The following NCOR2 variants were observed in gnomAD, a reference collection of about 807,000 sequenced individuals.
NCOR2 encodes CTG repeat protein 26.
Under a neutral mutation model 262.9 loss-of-function variants are expected in NCOR2, and 81 were observed. That is an observed-to-expected ratio of 0.31 (90% confidence interval 0.26 to 0.37). NCOR2 has a LOEUF of 0.37. Ranked by LOEUF, NCOR2 falls within the 10% of genes least tolerant of loss-of-function variation. The probability of loss-of-function intolerance (pLI) is 1.00; values close to 1 mark genes in which losing one functional copy is unlikely to be tolerated. For missense variants in NCOR2, 3,385 were observed against 3,621.4 expected (o/e 0.93, Z 1.68); for synonymous variants, 1,659 against 1,559.3 (o/e 1.06, Z -1.51).
At chr12:124,354,453 G>C in intron 26 of NCOR2, 25 bp downstream of exon 28, 1 of 1,478,992 alleles carries the variant, frequency 6.8e-7, no homozygotes, top group Non-Finnish European at 8.9e-7. Context: ...CAGATGCTGG[G>C]GGCCCAGGGC....
upstream of NCOR2, among the ~76,000 whole-genome samples, chr12:124,496,514 C>A (rs1407011813): frequency 6.6e-6 from 1 of 152,092 alleles, no homozygotes; most frequent in East Asian, 1.9e-4. The surrounding 1 kb of genome is among the most constrained non-coding windows in gnomAD (Gnocchi z 4.4). Flanking sequence ...CTGCACCACA[C>A]GAGGTCAGGG....
chr12:124,431,223 CAGA>C (rs2043901449), intron 8 of NCOR2, among the ~76,000 whole-genome samples: 1 of 151,404 alleles, frequency 6.6e-6, no homozygotes, highest in Non-Finnish European at 1.5e-5. Context: ...TACAGTCAGA[CAGA>C]TATACACAGG....
At chr12:124,448,777 C>A (rs894844398) in intron 7 of NCOR2, among the ~76,000 whole-genome samples, 1 of 152,168 alleles carries the variant, frequency 6.6e-6, no homozygotes, top group Non-Finnish European at 1.5e-5. Flanking sequence ...TGCACGCTTT[C>A]AGGAACGGGG....
intron 1 of NCOR2, among the ~76,000 whole-genome samples, chr12:124,486,923 T>G (rs2047794828): frequency 6.6e-6 from 1 of 152,164 alleles, no homozygotes; most frequent in South Asian, 2.1e-4. Context: ...ATCCTAACCA[T>G]GGCCTCTGTC....
chr12:124,333,834 G>A (rs1316363570), intron 41 of NCOR2, among the ~76,000 whole-genome samples: 2 of 150,826 alleles, frequency 1.3e-5, no homozygotes, highest in Non-Finnish European at 2.9e-5. Flanking sequence ...GGGTGTGCGG[G>A]TGCGCCTGTG....
rs2036586300 is a variant in NCOR2, at chr12:124,342,986, G to C, written c.4936+19C>G. 1.2e-6 allele frequency: 2 copies of C among 1,609,168 alleles called. No individual in the cohort carries two copies. The highest frequency in any genetic ancestry group is 1.7e-6 in the Non-Finnish European group (2 of 1,179,470). ...TGTTCAGCACCACTGCAGGGTTCTG[G>C]GAGCCCCAGGGCAATCACCTGCGTC... On this transcript the variant is annotated intron_variant, in intron 33 of 46. Coordinates refer to ENST00000405201, the Ensembl canonical transcript of NCOR2.
intron 7 of NCOR2, among the ~76,000 whole-genome samples, chr12:124,441,862 A>T (rs574588933): frequency 1.3e-5 from 2 of 152,270 alleles, no homozygotes; most frequent in African/African-American, 4.8e-5. Flanking sequence ...CTTCCCCAAA[A>T]CCCACCATCC....
chr12:124,560,913 T>C (rs2052047692), intron 1 of NCOR2, among the ~76,000 whole-genome samples: 1 of 152,190 alleles, frequency 6.6e-6, no homozygotes, highest in Admixed American at 6.5e-5. Flanking sequence ...CCAAGAAGTA[T>C]AAAAAGCAAC....
chr12:124,410,690 G>A (rs2042529037), intron 13 of NCOR2, among the ~76,000 whole-genome samples: 1 of 152,122 alleles, frequency 6.6e-6, no homozygotes, highest in Non-Finnish European at 1.5e-5. Flanking sequence ...CCTGCCACCG[G>A]TCCCCACCAT....
chr12:124,334,630 G>C lies in NCOR2; in HGVS notation c.6412-13C>G, dbSNP rs185329250. ...GTGTGATGACCTCCTGCAGGCAAGT[G>C]GGGGGGCCCAGAGTCAGGCAGCACT... On this transcript the variant is annotated splice_polypyrimidine_tract_variant and intron_variant, in intron 40 of 46. Transcript: ENST00000405201. The C allele has an allele frequency of 1.3e-5, 18 of 1,358,386 alleles. No homozygotes were observed. Among genetic ancestry groups the C allele is most frequent in the East Asian group, 8.3e-5 (3 of 35,984 alleles). 84.1% of individuals were successfully genotyped at this position (1,358,386 alleles called of 1,614,324 possible).
intron 5 of NCOR2, among the ~76,000 whole-genome samples, chr12:124,463,028 C>T (rs527424996): frequency 5.3e-5 from 8 of 152,306 alleles, no homozygotes; most frequent in African/African-American, 1.9e-4. Flanking sequence ...TTCTACCTTT[C>T]CCCAGTCGAC....
At chr12:124,336,826 C>T (rs774805020) in exon 38 of NCOR2, 22 of 1,613,020 alleles carry the variant, frequency 1.4e-5, no homozygotes, top group South Asian at 3.3e-5. Flanking sequence ...GGTCCGAGGC[C>T]GAGGCAGGTG....
intron 21 of NCOR2, 147 bp from the exon 24 acceptor site, chr12:124,362,444 G>A (rs2038660811): frequency 2.8e-6 from 2 of 717,748 alleles, no homozygotes; most frequent in Admixed American, 3.2e-5. Context: ...AAGAAAGGGA[G>A]GTCTTAGCAC....
intron 12 of NCOR2, among the ~76,000 whole-genome samples, chr12:124,421,581 AAAAT>A (rs1390649829): frequency 6.6e-6 from 1 of 152,212 alleles, no homozygotes; most frequent in Admixed American, 6.5e-5. Context: ...GCTGTCCTTT[AAAAT>A]AAGTGCCTCA....
chr12:124,419,915 C>G lies in NCOR2; in HGVS notation c.1482+42G>C. On this transcript the variant is annotated intron_variant, in intron 13 of 46. Coordinates refer to ENST00000405201, the Ensembl canonical transcript of NCOR2. Reference sequence around the variant, plus strand: ...ACCAAGCAAGTGGCCGCTGAGCATGCAGGGAGCCTGCAAGGACAGTCACCC... The same window carrying G: ...ACCAAGCAAGTGGCCGCTGAGCATGGAGGGAGCCTGCAAGGACAGTCACCC... 1.9e-6 allele frequency: 3 copies of G among 1,566,044 alleles called. No individual in the cohort carries two copies. In the South Asian group the frequency reaches 3.3e-5, roughly 17 times the overall value.
chr12:124,340,220 G>T lies in NCOR2; in HGVS notation c.5489-16C>A, dbSNP rs1469326777. Reference sequence around the variant, plus strand: ...TGCTCTGTACCTGGTGACAGTCAGTGGCATCAGCAGGGGGAGGCCTCTTGC... The same window carrying T: ...TGCTCTGTACCTGGTGACAGTCAGTTGCATCAGCAGGGGGAGGCCTCTTGC... On this transcript the variant is annotated splice_polypyrimidine_tract_variant and intron_variant, in intron 36 of 46. Coordinates refer to ENST00000405201, the Ensembl canonical transcript of NCOR2. 1.9e-6 allele frequency: 3 copies of T among 1,605,082 alleles called. No homozygotes were observed. The South Asian group carries it at 3.3e-5, about 18-fold the overall frequency.
intron 4 of NCOR2, among the ~76,000 whole-genome samples, chr12:124,468,201 A>C (rs1162642315): frequency 8.7e-4 from 6 of 6,874 alleles, no homozygotes; most frequent in Non-Finnish European, 1.3e-3. Context: ...CATCCTTATC[A>C]CCCCCCTCAT....
intron 10 of NCOR2, 103 bp from the exon 13 acceptor site, chr12:124,426,903 G>A (rs538467870): frequency 8.6e-7 from 1 of 1,161,300 alleles, no homozygotes; most frequent in Non-Finnish European, 1.2e-6. Context: ...GTCTGCGCCA[G>A]AGCAGGGAAA....
exon 47 of NCOR2, chr12:124,325,178 A>C: frequency 2.9e-6 from 1 of 339,328 alleles, no homozygotes. Context: ...CCAGGTAAAC[A>C]TCCCCTGAGT....
Sources: allele counts gnomAD v4.1 joint callset (sites outside exome capture counted in the v4.1 genomes callset), GRCh38; gene constraint gnomAD v4.1.1; non-coding constraint Gnocchi (gnomAD v3.1); transcripts MANE v1.5; gene names NCBI Gene and HGNC (gene_info 2026-07-23, HGNC 2026-07-21).